The following CSNK1E variants were observed in gnomAD, a reference collection of about 807,000 sequenced individuals.
CSNK1E encodes the protein casein kinase I isoform epsilon.
Under a neutral mutation model 46.1 loss-of-function variants are expected in CSNK1E, and 17 were observed. That is an observed-to-expected ratio of 0.37 (90% CI 0.25 to 0.55). The LOEUF is 0.55. Among genes scored for constraint, CSNK1E ranks in the 20% least tolerant of loss-of-function variants. The probability of loss-of-function intolerance (pLI) is 0.82; values close to 1 mark genes in which losing one functional copy is unlikely to be tolerated. For synonymous variants in CSNK1E, 241 were observed against 242.6 expected (o/e 0.99, Z 0.06); for missense variants, 386 against 595.4 (o/e 0.65, Z 3.66).
chr22:38,298,567 A>T lies in CSNK1E; in HGVS notation c.885+219T>A, dbSNP rs984257694. On this transcript the variant is annotated intron_variant, in intron 7 of 10. Coordinates refer to ENST00000396832, the MANE Select transcript of CSNK1E (RefSeq NM_152221.3). The surrounding 1 kb of genome is among the most constrained non-coding windows in gnomAD (Gnocchi z 4.2). ...GCCAGATCCTCCTTGTTCCGACGGG[A>T]GACAGCGCCCTGCCTGGGCCCTGCT... is the stretch of plus-strand genomic sequence containing the variant. 3.0e-5 allele frequency: 17 copies of T among 570,064 alleles called. No homozygotes were observed. Among genetic ancestry groups the T allele is most frequent in the Non-Finnish European group, 4.7e-5 (15 of 322,480 alleles). 35.3% of individuals were successfully genotyped at this position (570,064 alleles called of 1,614,324 possible).
rs1804958886 is a variant in CSNK1E, at chr22:38,303,069, GC to G, written c.188-61del. The stretch of plus-strand genomic sequence containing the variant: ...AGAGGCAGGCAGCCAGCCACGCCCG[GC>G]CCACCCTGTGCTCATGGCTGCCCAC... On this transcript the variant is annotated intron_variant, in intron 3 of 10. Coordinates refer to ENST00000396832, the MANE Select transcript of CSNK1E (RefSeq NM_152221.3). This position sits in a 1 kb window ranked among gnomAD's most constrained non-coding sequence, Gnocchi z 4.7. The G allele has an allele frequency of 2.5e-6, 4 of 1,600,898 alleles. No homozygotes were observed. The highest frequency in any genetic ancestry group is 3.4e-6 in the Non-Finnish European group (4 of 1,173,696).
intron 7 of CSNK1E, chr22:38,296,424 G>C (rs1028209901): frequency 6.9e-7 from 1 of 1,443,904 alleles, no homozygotes; most frequent in Non-Finnish European, 9.1e-7. Flanking sequence ...CAACAACACA[G>C]GGTGTCCTGT....
intron 1 of CSNK1E, among the ~76,000 whole-genome samples, chr22:38,315,345 A>G (rs531091856): frequency 6.6e-6 from 1 of 152,358 alleles, no homozygotes; most frequent in South Asian, 2.1e-4. Context: ...CAGGAGAGAC[A>G]GGGAACCCCG....
chr22:38,298,485 G>A lies in CSNK1E; in HGVS notation c.885+301C>T. 7.3e-6 allele frequency: 3 copies of A among 409,872 alleles called. No homozygotes were observed. Among genetic ancestry groups the A allele is most frequent in the Non-Finnish European group, 1.4e-5 (3 of 216,874 alleles). 25.4% of individuals were successfully genotyped at this position (409,872 alleles called of 1,614,324 possible). ...TAGGCAGCAATCAGGGCAGCAGGGG[G>A]CGCCGCCAGCACCACCCATGCCCTG... On this transcript the variant is annotated intron_variant, in intron 7 of 10. Coordinates refer to ENST00000396832, the MANE Select transcript of CSNK1E (RefSeq NM_152221.3). This position sits in a 1 kb window ranked among gnomAD's most constrained non-coding sequence, Gnocchi z 4.2.
chr22:38,308,100 A>G (rs2092706140), intron 2 of CSNK1E, among the ~76,000 whole-genome samples: 1 of 152,158 alleles, frequency 6.6e-6, no homozygotes, highest in Non-Finnish European at 1.5e-5. Flanking sequence ...TTCTGTCTCT[A>G]TGGATTTGTC....
intron 7 of CSNK1E, among the ~76,000 whole-genome samples, chr22:38,295,226 C>T (rs2092633916): frequency 6.6e-6 from 1 of 152,190 alleles, no homozygotes; most frequent in Non-Finnish European, 1.5e-5. Flanking sequence ...GGGCCACGTT[C>T]CCCACGGAGG....
At chr22:38,304,468 G>A (rs752086579) in intron 2 of CSNK1E, among the ~76,000 whole-genome samples, 22 of 152,100 alleles carry the variant, frequency 1.4e-4, no homozygotes, top group Non-Finnish European at 1.2e-4. Context: ...ATAAACAAAC[G>A]CTCGCCCAAG....
chr22:38,296,840 T>C lies in CSNK1E; in HGVS notation c.885+1946A>G, dbSNP rs937424054. 17 of 879,708 alleles carry C rather than the reference T, an allele frequency of 1.9e-5. No individual in the cohort carries two copies. The African/African-American group carries it at 2.3e-4, about 12-fold the overall frequency. 54.5% of individuals were successfully genotyped at this position (879,708 alleles called of 1,614,324 possible). A position where few individuals can be genotyped will look rare whatever the true frequency, so the allele number is the denominator to read the frequency against. Reference sequence around the variant, plus strand: ...TGGCCACTGGAGGGCAGTGGCATGATCTCAGCTCACTCCAATCTCTGCCTC... The same window carrying C: ...TGGCCACTGGAGGGCAGTGGCATGACCTCAGCTCACTCCAATCTCTGCCTC... On this transcript the variant is annotated intron_variant, in intron 7 of 10. Coordinates refer to ENST00000396832, the MANE Select transcript of CSNK1E (RefSeq NM_152221.3).
intron 2 of CSNK1E, among the ~76,000 whole-genome samples, chr22:38,304,340 C>G (rs1056068690): frequency 6.6e-6 from 1 of 152,040 alleles, no homozygotes; most frequent in Non-Finnish European, 1.5e-5. Flanking sequence ...AGAAAAGACA[C>G]CATGGCTCAC....
At position 38,298,528 on chromosome 22, in the gene CSNK1E, G is replaced by A; in HGVS notation, c.885+258C>T. On this transcript the variant is annotated intron_variant, in intron 7 of 10. Coordinates refer to ENST00000396832, the MANE Select transcript of CSNK1E (RefSeq NM_152221.3). The surrounding 1 kb of genome is among the most constrained non-coding windows in gnomAD (Gnocchi z 4.2). ...ATGCCCTGCTGCGGGCACCCAGGAGGGACCCCAGGTGAAGCCAGATCCTCC... is the reference window on the plus strand; with the variant it reads ...ATGCCCTGCTGCGGGCACCCAGGAGAGACCCCAGGTGAAGCCAGATCCTCC... 2 of 485,242 alleles carry A rather than the reference G, an allele frequency of 4.1e-6. No individual in the cohort carries two copies. Among genetic ancestry groups the A allele is most frequent in the Non-Finnish European group, 7.5e-6 (2 of 266,128 alleles). The allele number at this position is 485,242 out of a possible 1,614,324, so 30.1% of individuals were successfully genotyped here.
At chr22:38,297,092 T>G (rs754823074) in intron 7 of CSNK1E, 2 of 775,154 alleles carry the variant, frequency 2.6e-6, no homozygotes, top group Non-Finnish European at 4.8e-6. Context: ...CAGTCTTGAT[T>G]AATTTTAATT....
chr22:38,293,956 A>C (rs2092625474), intron 9 of CSNK1E, 153 bp downstream of exon 9: 1 of 894,996 alleles, frequency 1.1e-6, no homozygotes, highest in African/African-American at 1.7e-5. Flanking sequence ...TCAGAGGATT[A>C]AATGAGGCCA....
intron 2 of CSNK1E, among the ~76,000 whole-genome samples, chr22:38,305,944 G>A (rs979167642): frequency 1.3e-5 from 2 of 152,178 alleles, no homozygotes; most frequent in Admixed American, 1.3e-4. Flanking sequence ...ACAAGGCGGG[G>A]ACAAGGCTGT....
chr22:38,315,059 A>T (rs2092738063), intron 1 of CSNK1E, among the ~76,000 whole-genome samples: 1 of 152,210 alleles, frequency 6.6e-6, no homozygotes, highest in Non-Finnish European at 1.5e-5. Context: ...ATCAAGGACT[A>T]GCAAGAGGGA....
intron 2 of CSNK1E, among the ~76,000 whole-genome samples, chr22:38,311,136 GGGGCGCAGCGCACAGCACTACTGCT>G (rs1210647290): frequency 1.3e-5 from 2 of 152,148 alleles, no homozygotes; most frequent in Non-Finnish European, 2.9e-5. Context: ...ACCAATGGTG[GGGGCGCAGCGCACAGCACTACTGCT>G]GGGCCCAGCA....
intron 2 of CSNK1E, among the ~76,000 whole-genome samples, chr22:38,308,261 C>T (rs1188235098): frequency 6.6e-6 from 1 of 152,158 alleles, no homozygotes; most frequent in Non-Finnish European, 1.5e-5. Context: ...ATGAATAACT[C>T]AATCTAGCCA....
intron 6 of CSNK1E, 145 bp downstream of exon 6, chr22:38,299,750 C>T: frequency 1.2e-6 from 1 of 820,910 alleles, no homozygotes; most frequent in East Asian, 2.5e-5. Flanking sequence ...CCTCATGATC[C>T]ACCTGCCTTG....
chr22:38,307,053 C>T (rs2092701643), intron 2 of CSNK1E, among the ~76,000 whole-genome samples: 1 of 152,074 alleles, frequency 6.6e-6, no homozygotes, highest in Non-Finnish European at 1.5e-5. Flanking sequence ...TGCCTGTGGT[C>T]CCAGCTACCT....
intron 2 of CSNK1E, among the ~76,000 whole-genome samples, chr22:38,304,808 C>T (rs941148995): frequency 3.3e-5 from 5 of 152,108 alleles, no homozygotes; most frequent in Admixed American, 6.6e-5. Flanking sequence ...ATACACGCTA[C>T]GACACGAGTG....
Sources: allele counts gnomAD v4.1 joint callset (sites outside exome capture counted in the v4.1 genomes callset), GRCh38; gene constraint gnomAD v4.1.1; non-coding constraint Gnocchi (gnomAD v3.1); transcripts MANE v1.5; gene names NCBI Gene and HGNC (gene_info 2026-07-23, HGNC 2026-07-21).